The following MED15 variants were observed in gnomAD, a reference collection of about 807,000 sequenced individuals.
MED15 encodes the protein mediator complex subunit 15.
In MED15, 41 loss-of-function variants were observed where a neutral mutation model predicts 118.7. The observed-to-expected ratio is 0.35, with a 90% CI of 0.27 to 0.45. MED15 has a LOEUF of 0.45. MED15 is among the 20% of genes least tolerant of loss of function. The pLI, the probability that MED15 is intolerant of heterozygous loss-of-function variation, is 1.00. For missense variants in MED15, 740 were observed against 1,025.5 expected, an observed-to-expected ratio of 0.72 and a Z score of 3.80; for synonymous variants, 436 against 413.9, an observed-to-expected ratio of 1.05 and a Z score of -0.65.
chr22:20,520,893 C>T (rs566492497), intron 1 of MED15, among the ~76,000 whole-genome samples: 17 of 152,074 alleles, frequency 1.1e-4, no homozygotes, highest in African/African-American at 3.9e-4. Context: ...GTGCTCACCA[C>T]CATGCCCTGC....
intron 8 of MED15, chr22:20,573,891 C>T (rs556136537): frequency 3.3e-5 from 5 of 152,194 alleles, no homozygotes; most frequent in South Asian, 2.1e-4. Flanking sequence ...CCACTGGGGT[C>T]GCTCCTTCGT....
chr22:20,510,994 TTTTCTCTCTAGGGTTCAC>T (rs1332857608), intron 1 of MED15, among the ~76,000 whole-genome samples: 3 of 152,090 alleles, frequency 2.0e-5, no homozygotes, highest in Admixed American at 2.0e-4. Flanking sequence ...AATTTGTCTG[TTTTCTCTCTAGGGTTCAC>T]TTTCTCTCTA....
intron 1 of MED15, among the ~76,000 whole-genome samples, chr22:20,530,476 G>A (rs2146412676): frequency 6.6e-6 from 1 of 152,268 alleles, no homozygotes; most frequent in Admixed American, 6.5e-5. Context: ...TCCTGCTTTA[G>A]ACACCAGCAG....
At chr22:20,577,804 A>G (rs2056865638) in intron 9 of MED15, among the ~76,000 whole-genome samples, 1 of 152,116 alleles carries the variant, frequency 6.6e-6, no homozygotes, top group Non-Finnish European at 1.5e-5. Context: ...GGCAGCATTT[A>G]GAAAGTATTC....
At position 20,515,954 on chromosome 22, in the gene MED15, G is replaced by T. The variant is rs2054239266; in HGVS notation, c.68+8208G>T. On this transcript the variant is annotated intron_variant, in intron 1 of 17. Coordinates refer to ENST00000263205, the MANE Select transcript of MED15 (RefSeq NM_001003891.3). ...AGAGGCGGAGGTTGCAGTGAGTCAAGATCACGCCACTTCACTCTAGCCGGT... is the reference window on the plus strand; with the variant it reads ...AGAGGCGGAGGTTGCAGTGAGTCAATATCACGCCACTTCACTCTAGCCGGT... 2.0e-5 allele frequency among the ~76,000 whole-genome samples: 3 copies of T among 151,890 alleles called. No homozygotes were observed. In the South Asian group the frequency reaches 6.2e-4, roughly 31 times the overall value.
In MED15 at chr22:20,540,135, G is replaced by A. The variant is rs147659389; in HGVS notation, c.156+2931G>A. Among the ~76,000 whole-genome samples the A allele has an allele frequency of 2.1e-3, 320 of 152,148 alleles. 3 individuals are homozygous for A. Among genetic ancestry groups the A allele is most frequent in the Middle Eastern group, 0.017 (5 of 294 alleles). On this transcript the variant is annotated intron_variant, in intron 2 of 17. Coordinates refer to ENST00000263205, the MANE Select transcript of MED15 (RefSeq NM_001003891.3). ...TGATGCATTGTAATCATCCCGGAGA[G>A]CAGGACACCTCTCATAAGAGGTTTA... is the stretch of plus-strand genomic sequence containing the variant.
At position 20,584,364 on chromosome 22, in the gene MED15, C is replaced by T; in HGVS notation, c.1742C>T (p.Pro581Leu). The T allele has an allele frequency of 1.2e-6, 2 of 1,613,662 alleles. No homozygotes were observed. The highest frequency in any genetic ancestry group is 1.7e-6 in the Non-Finnish European group (2 of 1,179,766). Reference sequence around the variant, plus strand: ...CAAGTCCTCTCTCTCTGCAGGTGTCCCCTGAAGACCTTGCAAAAGTGTGAG... The same window carrying T: ...CAAGTCCTCTCTCTCTGCAGGTGTCTCCTGAAGACCTTGCAAAAGTGTGAG... Reference protein sequence around the residue: ...DILTDPSKRCPLKTLQKCEIA... With the variant: ...DILTDPSKRCLLKTLQKCEIA... Residue 581 changes from proline (P) to leucine (L), a missense_variant, in exon 14 of 18, where the codon CCC becomes CTC. Pro to Leu is a moderately conservative substitution (Grantham distance 98). This residue lies in a region of MED15 where 384 missense variants were observed against 506.3 expected (regional missense o/e 0.76). Coordinates refer to ENST00000263205, the MANE Select transcript of MED15 (RefSeq NM_001003891.3).
intron 1 of MED15, among the ~76,000 whole-genome samples, chr22:20,534,817 T>C (rs11704624): frequency 0.16 from 24,913 of 152,066 alleles, 2,288 homozygotes; most frequent in African/African-American, 0.23. Context: ...TGGTTGTCAT[T>C]ATCCTCCTGG....
chr22:20,519,218 C>T (rs1265483074), intron 1 of MED15, among the ~76,000 whole-genome samples: 1 of 152,046 alleles, frequency 6.6e-6, no homozygotes, highest in Non-Finnish European at 1.5e-5. Context: ...AGAATAGCAG[C>T]CAAGGCATAA....
chr22:20,579,427 G>A (rs2056913737), intron 9 of MED15, among the ~76,000 whole-genome samples: 1 of 152,056 alleles, frequency 6.6e-6, no homozygotes, highest in South Asian at 2.1e-4. Context: ...TCTGCTGGCT[G>A]CCAGCTGCCA....
chr22:20,508,085 C>G, intron 1 of MED15: 3 of 1,307,352 alleles, frequency 2.3e-6, no homozygotes, highest in African/African-American at 1.5e-5. Context: ...AAGCAGCCGG[C>G]TGTAGTGGGT....
chr22:20,574,212 G>A (rs2056754821), intron 8 of MED15: 1 of 152,230 alleles, frequency 6.6e-6, no homozygotes, highest in African/African-American at 2.4e-5. Flanking sequence ...TTCTTTCTGA[G>A]CCTGGCGTGT....
intron 1 of MED15, among the ~76,000 whole-genome samples, chr22:20,521,711 TTTA>T (rs1182144448): frequency 1.9e-5 from 2 of 103,138 alleles, no homozygotes; most frequent in South Asian, 3.3e-4. Flanking sequence ...TATTTATTTA[TTTA>T]TTTATTTATT....
intron 2 of MED15, among the ~76,000 whole-genome samples, chr22:20,543,151 G>GTGTGTGTGTGTGTA (rs1346137661): frequency 1.2e-5 from 1 of 82,032 alleles, no homozygotes; most frequent in African/African-American, 5.4e-5. Flanking sequence ...GTGTGTGTGT[G>GTGTGTGTGTGTGTA]TATTTTTAAA....
chr22:20,551,163 C>T (rs1222295917), intron 2 of MED15: 1 of 627,584 alleles, frequency 1.6e-6, no homozygotes, highest in Admixed American at 2.1e-5. Context: ...TCCCAGCTCT[C>T]TCAGCTGAGT....
chr22:20,570,226 T>C (rs900665648), intron 8 of MED15, among the ~76,000 whole-genome samples: 1 of 151,988 alleles, frequency 6.6e-6, no homozygotes, highest in South Asian at 2.1e-4. Flanking sequence ...GGTTTCATCA[T>C]GTTGGCCAGG....
At chr22:20,582,252 G>A in intron 9 of MED15, 1 of 372,596 alleles carries the variant, frequency 2.7e-6, no homozygotes. Flanking sequence ...CATGTCACAG[G>A]ACAGGCAGGC....
In MED15 at chr22:20,570,746, C is replaced by CTTTT. The variant is rs61109389; in HGVS notation, c.1152+2142_1152+2145dup. Among the ~76,000 whole-genome samples the CTTTT allele has an allele frequency of 7.2e-3, 446 of 62,134 alleles. 4 individuals are homozygous for CTTTT. The highest frequency in any genetic ancestry group is 0.015 in the Middle Eastern group (1 of 68). 40.8% of individuals were successfully genotyped at this position (62,134 alleles called of 152,430 possible). ...TTTTCTTTTCTTTCTTTCTTTCTTT[C>CTTTT]TTTTTTTTTTTTTTTTTTTTTTTTT... On this transcript the variant is annotated intron_variant, in intron 8 of 17. Coordinates refer to ENST00000263205, the MANE Select transcript of MED15 (RefSeq NM_001003891.3).
intron 1 of MED15, chr22:20,508,248 G>A (rs748012570): frequency 7.8e-7 from 1 of 1,281,132 alleles, no homozygotes; most frequent in Non-Finnish European, 1.0e-6. Flanking sequence ...GTGACCCCCC[G>A]AAGGAATGTG....
Sources: gnomAD v4.1 joint callset for allele counts (sites outside exome capture counted in the v4.1 genomes callset) on GRCh38, gnomAD v4.1.1 for gene constraint, gnomAD v4.1.1 regional missense constraint, MANE v1.5 for transcripts, NCBI Gene and HGNC (gene_info 2026-07-23, HGNC 2026-07-21) for gene names.